Variants in STX7 observed in about 807,000 individuals in gnomAD.
STX7 encodes syntaxin 7, also known as syntaxin-7.
Under a neutral mutation model 39.6 loss-of-function variants are expected in STX7, and 34 were observed. The observed-to-expected ratio is 0.86, with a 90% CI of 0.65 to 1.14. STX7 has a LOEUF of 1.14. Ranked by LOEUF, STX7 falls within the 50% of genes most tolerant of loss-of-function variation. The pLI is 0.00. For synonymous variants in STX7, 119 were observed against 99.1 expected (o/e 1.20, Z -1.19); for missense variants, 284 against 310.4 (o/e 0.92, Z 0.64).
intron 2 of STX7, among the ~76,000 whole-genome samples, chr6:132,495,303 T>A (rs1382209040): frequency 6.6e-6 from 1 of 152,210 alleles, no homozygotes; most frequent in African/African-American, 2.4e-5. Context: ...GATAGCAACT[T>A]TCACATCTAT....
chr6:132,470,910 A>G (rs1020817895), intron 5 of STX7, among the ~76,000 whole-genome samples: 2 of 152,204 alleles, frequency 1.3e-5, no homozygotes, highest in Non-Finnish European at 2.9e-5. Context: ...TATTTAGTTA[A>G]AGCTTAATGT....
At chr6:132,479,166 A>G (rs1774952034) in intron 2 of STX7, among the ~76,000 whole-genome samples, 1 of 152,216 alleles carries the variant, frequency 6.6e-6, no homozygotes, top group Non-Finnish European at 1.5e-5. Flanking sequence ...TGTAGCCTCA[A>G]GTACAAATGA....
rs865934021 is a variant in STX7 at position 132,447,101 on chromosome 6, G to A, written c.*13657C>T. 1.3e-5 allele frequency: 2 copies of A among 152,138 alleles called. No individual in the cohort carries two copies. Among genetic ancestry groups the A allele is most frequent in the Non-Finnish European group, 2.9e-5 (2 of 68,018 alleles). 9.4% of individuals were successfully genotyped at this position (152,138 alleles called of 1,614,324 possible). Reference sequence around the variant, plus strand: ...TTAGAAATAATTCCGTATCTCCTAAGATACATTGGTTAAAAAGATACTAAT... The same window carrying A: ...TTAGAAATAATTCCGTATCTCCTAAAATACATTGGTTAAAAAGATACTAAT... On this transcript the variant is annotated 3_prime_UTR_variant, in exon 10 of 10. Coordinates refer to ENST00000367941, the MANE Select transcript of STX7 (RefSeq NM_003569.3).
intron 1 of STX7, among the ~76,000 whole-genome samples, chr6:132,512,267 T>G (rs1232982463): frequency 6.7e-6 from 1 of 150,368 alleles, no homozygotes; most frequent in South Asian, 2.1e-4. Context: ...CGTATACAGA[T>G]AAGAGCCAAA....
chr6:132,460,261 C>T lies in STX7; in HGVS notation c.*497G>A, dbSNP rs1774355873. The T allele has an allele frequency of 6.6e-6, 1 of 152,170 alleles. No homozygotes were observed. Among genetic ancestry groups the T allele is most frequent in the Admixed American group, 6.5e-5 (1 of 15,270 alleles). The allele number at this position is 152,170 out of a possible 1,614,324, so 9.4% of individuals were successfully genotyped here. A position where few individuals can be genotyped will look rare whatever the true frequency, so the allele number is the denominator to read the frequency against. On this transcript the variant is annotated 3_prime_UTR_variant, in exon 10 of 10. Transcript: ENST00000367941. ...ACAAAAAAATGAAAGACACTTTGTG[C>T]TGTTGTGAACCAGAAAAATACAACC...
intron 9 of STX7, among the ~76,000 whole-genome samples, chr6:132,462,753 G>A (rs1774445717): frequency 6.6e-6 from 1 of 151,936 alleles, no homozygotes. Context: ...GAATACAACT[G>A]GTTATAACTC....
chr6:132,490,467 C>A (rs1389887269), intron 2 of STX7, among the ~76,000 whole-genome samples: 5 of 152,104 alleles, frequency 3.3e-5, no homozygotes, highest in Non-Finnish European at 7.3e-5. Flanking sequence ...CTTCCCTCCT[C>A]AAGGCATATT....
rs771482958 is a variant in STX7 at position 132,460,722 on chromosome 6, A to T, written c.*36T>A. 1 of 1,424,054 alleles carries T rather than the reference A, an allele frequency of 7.0e-7. No homozygotes were observed. The highest frequency in any genetic ancestry group is 1.8e-5 in the Admixed American group (1 of 54,922). The allele number at this position is 1,424,054 out of a possible 1,614,324, so 88.2% of individuals were successfully genotyped here. On this transcript the variant is annotated 3_prime_UTR_variant, in exon 10 of 10. Coordinates refer to ENST00000367941, the MANE Select transcript of STX7 (RefSeq NM_003569.3). ...TTACAGGAATCTTCCTACATAATTT[A>T]GACAATGTAGTGCGACAGTGTGCTC...
At chr6:132,469,912 G>A in intron 7 of STX7, 39 bp downstream of exon 7, 4 of 1,516,042 alleles carry the variant, frequency 2.6e-6, no homozygotes, top group Non-Finnish European at 3.6e-6. Flanking sequence ...AACTCACTAA[G>A]ACCAGAGCAG....
chr6:132,488,850 A>C (rs1366072403), intron 2 of STX7, among the ~76,000 whole-genome samples: 1 of 152,120 alleles, frequency 6.6e-6, no homozygotes, highest in Non-Finnish European at 1.5e-5. Flanking sequence ...TTAGACTCCA[A>C]TCTTTCCTCG....
intron 2 of STX7, among the ~76,000 whole-genome samples, chr6:132,481,272 G>C (rs1422286419): frequency 1.3e-5 from 2 of 151,890 alleles, no homozygotes; most frequent in African/African-American, 4.8e-5. Context: ...TATTAGATTG[G>C]GATCTTTTTG....
chr6:132,470,938 G>T (rs1774703078), intron 5 of STX7, among the ~76,000 whole-genome samples: 1 of 152,162 alleles, frequency 6.6e-6, no homozygotes, highest in South Asian at 2.1e-4. Context: ...GAATCCATAT[G>T]TTAATGAATA....
chr6:132,470,339 T>C (rs1427188647), intron 6 of STX7, among the ~76,000 whole-genome samples: 2 of 152,146 alleles, frequency 1.3e-5, no homozygotes, highest in East Asian at 3.8e-4. Flanking sequence ...TATAAGGGAA[T>C]GTCTATATTA....
At position 132,453,081 on chromosome 6, in the gene STX7, T is replaced by C. The variant is rs561459560; in HGVS notation, c.*7677A>G. 4 of 152,204 alleles carry C rather than the reference T, an allele frequency of 2.6e-5. No individual in the cohort carries two copies. The highest frequency in any genetic ancestry group is 6.5e-5 in the Admixed American group (1 of 15,280). The allele number at this position is 152,204 out of a possible 1,614,324, so 9.4% of individuals were successfully genotyped here. A position where few individuals can be genotyped will look rare whatever the true frequency, so the allele number is the denominator to read the frequency against. ...CCCACACGAATGTGCCCAACTGATT[T>C]CTCATTAACTCATTTTTGCTCAACT... On this transcript the variant is annotated 3_prime_UTR_variant, in exon 10 of 10. Transcript: ENST00000367941.
chr6:132,502,073 G>GT (rs1775577644), intron 2 of STX7, among the ~76,000 whole-genome samples: 1 of 152,050 alleles, frequency 6.6e-6, no homozygotes, highest in African/African-American at 2.4e-5. Context: ...CCAGAAATAG[G>GT]TAAAAAACCC....
In STX7 at chr6:132,470,587, C is replaced by T. The variant is rs1436076870; in HGVS notation, c.427G>A (p.Val143Ile). The change falls in exon 6 of 10, where the codon GTA becomes ATA. Residue 143 changes from valine (V) to isoleucine (I), a missense_variant. Transcript: ENST00000367941. Reference sequence around the variant, plus strand: ...TGTATTTCTTACCTTTCCCAGGATACAAGATTCCTTTCTTTTGAGCTGTCC... The same window carrying T: ...TGTATTTCTTACCTTTCCCAGGATATAAGATTCCTTTCTTTTGAGCTGTCC... Reference protein sequence around the residue: ...PEDSSKERNLVSWESQTQPQV... With the variant: ...PEDSSKERNLISWESQTQPQV... The T allele has an allele frequency of 7.5e-6, 12 of 1,606,086 alleles. No homozygotes were observed. Among genetic ancestry groups the T allele is most frequent in the Non-Finnish European group, 1.0e-5 (12 of 1,175,158 alleles).
At chr6:132,461,613 C>G in intron 9 of STX7, 1 of 499,802 alleles carries the variant, frequency 2.0e-6, no homozygotes, top group Non-Finnish European at 3.5e-6. Context: ...CCCAGCCCCT[C>G]ACACATATTT....
At chr6:132,477,773 A>G (rs993539129) in intron 2 of STX7, among the ~76,000 whole-genome samples, 10 of 152,282 alleles carry the variant, frequency 6.6e-5, no homozygotes, top group African/African-American at 2.4e-4. Flanking sequence ...GTGTGTGTTC[A>G]TATACACACA....
chr6:132,491,819 C>A (rs1385890717), intron 2 of STX7, among the ~76,000 whole-genome samples: 3 of 152,150 alleles, frequency 2.0e-5, no homozygotes, highest in Non-Finnish European at 4.4e-5. Context: ...CCCCTGGCCC[C>A]AACTCCAACC....
Sources: gnomAD v4.1 joint callset for allele counts (sites outside exome capture counted in the v4.1 genomes callset) on GRCh38, gnomAD v4.1.1 for gene constraint, MANE v1.5 for transcripts, NCBI Gene and HGNC (gene_info 2026-07-23, HGNC 2026-07-21) for gene names.